The following PTPRD variants were observed in gnomAD, a reference collection of about 807,000 sequenced individuals.
PTPRD encodes protein tyrosine phosphatase receptor type D, also known as receptor-type tyrosine-protein phosphatase delta.
PTPRD carries 34 observed loss-of-function variants against 214.5 expected under a neutral mutation model. The ratio of observed to expected loss-of-function variants is 0.16; its 90% CI spans 0.12 to 0.21. PTPRD has a LOEUF of 0.21. Among genes scored for constraint, PTPRD ranks in the 10% least tolerant of loss-of-function variants. The probability of loss-of-function intolerance (pLI) is 1.00; values close to 1 mark genes in which losing one functional copy is unlikely to be tolerated. For missense variants in PTPRD, 2,545 were observed against 2,398.7 expected (o/e 1.06, Z -1.27); for synonymous variants, 1,128 against 845.7 (o/e 1.33, Z -5.79).
Position 9,692,524 on chromosome 9 carries a change from C to T in PTPRD, c.-287+42009G>A, listed in dbSNP as rs117779699. On this transcript the variant is annotated intron_variant, in intron 7 of 45. Transcript: ENST00000381196. ...TGCCAGTACTATGCTGTTTTGGTTG[C>T]TATAACTCTGTAGTACAATTTGAAA... is the stretch of plus-strand genomic sequence containing the variant. Among the ~76,000 whole-genome samples, 267 of 152,056 alleles carry T rather than the reference C, an allele frequency of 1.8e-3. 8 individuals are homozygous for T. The East Asian group carries it at 0.048, about 28-fold the overall frequency.
intron 5 of PTPRD, chr9:9,803,613 T>C (rs1046237879): frequency 2.2e-4 from 34 of 151,956 alleles, no homozygotes; most frequent in African/African-American, 8.2e-4. Flanking sequence ...TTGTAACTGG[T>C]GCCTTCTTGA....
chr9:8,334,351 G>A (rs1411712811), intron 43 of PTPRD, among the ~76,000 whole-genome samples: 3 of 151,480 alleles, frequency 2.0e-5, no homozygotes, highest in Non-Finnish European at 2.9e-5. Flanking sequence ...AGACCACAGT[G>A]CAATCAAATT....
chr9:8,920,468 C>G (rs969348213), intron 11 of PTPRD, among the ~76,000 whole-genome samples: 3 of 152,038 alleles, frequency 2.0e-5, no homozygotes, highest in Non-Finnish European at 4.4e-5. Flanking sequence ...TAAACAAACC[C>G]AGCCCTTCCT....
At chr9:9,769,590 T>C (rs1220835217) in intron 5 of PTPRD, among the ~76,000 whole-genome samples, 2 of 151,692 alleles carry the variant, frequency 1.3e-5, no homozygotes. Flanking sequence ...CCTCCCAAAG[T>C]GCTGGGATTA....
At chr9:9,862,810 A>G (rs373213843) in intron 5 of PTPRD, among the ~76,000 whole-genome samples, 93 of 152,158 alleles carry the variant, frequency 6.1e-4, no homozygotes, top group African/African-American at 2.2e-3. Flanking sequence ...AGTATCTACA[A>G]TTTTCTAAGA....
chr9:8,828,444 C>G (rs934916581), intron 11 of PTPRD, among the ~76,000 whole-genome samples: 2 of 152,120 alleles, frequency 1.3e-5, no homozygotes, highest in African/African-American at 4.8e-5. Context: ...AAAAAGACCC[C>G]AAACAGGAAC....
At chr9:8,519,350 T>C (rs1268974427) in intron 20 of PTPRD, among the ~76,000 whole-genome samples, 1 of 152,156 alleles carries the variant, frequency 6.6e-6, no homozygotes, top group Non-Finnish European at 1.5e-5. Flanking sequence ...ATACTACTAA[T>C]TAAAAATATA....
At chr9:9,998,401 C>A (rs1047873002) in intron 4 of PTPRD, among the ~76,000 whole-genome samples, 4 of 151,842 alleles carry the variant, frequency 2.6e-5, no homozygotes, top group East Asian at 3.9e-4. Flanking sequence ...TCCTTCTAAG[C>A]ACTACAGCCA....
At chr9:10,479,677 T>C (rs909494345) in intron 2 of PTPRD, among the ~76,000 whole-genome samples, 4 of 37,184 alleles carry the variant, frequency 1.1e-4, no homozygotes, top group Admixed American at 9.2e-4. Flanking sequence ...ATACAAAAAT[T>C]TGCCAAGCAT....
At chr9:9,342,873 G>C (rs1831753) in intron 9 of PTPRD, among the ~76,000 whole-genome samples, 2 of 151,390 alleles carry the variant, frequency 1.3e-5, no homozygotes, top group East Asian at 3.9e-4. Flanking sequence ...CCCCTACCCC[G>C]CCAACAGGCC....
chr9:8,638,566 C>T (rs2096498882), intron 12 of PTPRD, among the ~76,000 whole-genome samples: 2 of 152,002 alleles, frequency 1.3e-5, no homozygotes, highest in African/African-American at 4.8e-5. Context: ...TCAAGGTTTC[C>T]TAGCTTTATA....
intron 35 of PTPRD, among the ~76,000 whole-genome samples, chr9:8,418,406 T>C (rs905345885): frequency 9.9e-5 from 15 of 152,122 alleles, no homozygotes; most frequent in African/African-American, 3.4e-4. Flanking sequence ...CATTTCTTCT[T>C]GTAAAGTTGT....
intron 7 of PTPRD, among the ~76,000 whole-genome samples, chr9:9,724,828 G>A (rs570594756): frequency 6.6e-6 from 1 of 152,228 alleles, no homozygotes; most frequent in African/African-American, 2.4e-5. Context: ...AGTTCATGCA[G>A]GTAACAAGTG....
intron 3 of PTPRD, among the ~76,000 whole-genome samples, chr9:10,274,055 A>G (rs929522572): frequency 1.3e-5 from 2 of 152,076 alleles, no homozygotes; most frequent in African/African-American, 2.4e-5. Context: ...AATTCATTTA[A>G]TGGCTGTGGG....
intron 2 of PTPRD, among the ~76,000 whole-genome samples, chr9:10,574,836 T>C (rs2068684321): frequency 8.1e-6 from 1 of 123,454 alleles, no homozygotes; most frequent in Non-Finnish European, 1.8e-5. Flanking sequence ...ATATATATCT[T>C]AGATTCTCTT....
chr9:8,779,471 A>T (rs1409681712), intron 11 of PTPRD, among the ~76,000 whole-genome samples: 1 of 152,086 alleles, frequency 6.6e-6, no homozygotes, highest in Non-Finnish European at 1.5e-5. Flanking sequence ...TTGGGTTTCC[A>T]TGTTAATTTT....
At chr9:10,084,475 T>C in intron 3 of PTPRD, among the ~76,000 whole-genome samples, 1 of 152,054 alleles carries the variant, frequency 6.6e-6, no homozygotes, top group East Asian at 1.9e-4. Flanking sequence ...TTTTTGTTTA[T>C]CATATATTAT....
intron 6 of PTPRD, among the ~76,000 whole-genome samples, chr9:9,748,330 TAACAAA>T (rs2098479019): frequency 6.6e-6 from 1 of 152,168 alleles, no homozygotes; most frequent in Admixed American, 6.5e-5. Context: ...TTGTTCTTAA[TAACAAA>T]AATAAGAAGG....
At position 8,331,641 on chromosome 9, in the gene PTPRD, G is replaced by A. The variant is rs1841248636; in HGVS notation, c.5475C>T (p.Gly1825=). 2 of 1,613,540 alleles carry A rather than the reference G, an allele frequency of 1.2e-6. No homozygotes were observed. The highest frequency in any genetic ancestry group is 1.3e-5 in the African/African-American group (1 of 74,730). ...ACTGTTCTTTTGTTTTATGGACTTGGCCGATGAAGTCAATAAATCCTTCTC... is the reference window on the plus strand; with the variant it reads ...ACTGTTCTTTTGTTTTATGGACTTGACCGATGAAGTCAATAAATCCTTCTC... ...KSGEGFIDFI[G]QVHKTKEQFG... The change falls in exon 44 of 46, where the codon GGC becomes GGT. Residue 1825 remains glycine (G), a synonymous_variant. Coordinates refer to ENST00000381196, the MANE Select transcript of PTPRD (RefSeq NM_002839.4).
Sources: gnomAD v4.1 joint callset for allele counts (sites outside exome capture counted in the v4.1 genomes callset) on GRCh38, gnomAD v4.1.1 for gene constraint, MANE v1.5 for transcripts, NCBI Gene and HGNC (gene_info 2026-07-23, HGNC 2026-07-21) for gene names.